Variants in ARL13B observed in about 807,000 individuals in gnomAD.
The protein encoded by ARL13B is ADP-ribosylation factor-like protein 13B.
A neutral mutation model predicts 56.1 loss-of-function variants in ARL13B; 36 were observed. The observed-to-expected ratio is 0.64, with a 90% confidence interval of 0.49 to 0.85. The LOEUF (loss-of-function observed/expected upper bound fraction) is 0.85, where lower values mean the gene tolerates loss of function less well. Among genes scored for constraint, ARL13B ranks in the 40% least tolerant of loss-of-function variants. The pLI, the probability that ARL13B is intolerant of heterozygous loss-of-function variation, is 0.00. For synonymous variants in ARL13B, 178 were observed against 171.1 expected, an observed-to-expected ratio of 1.04 and a Z score of -0.32; for missense variants, 519 against 507.1, an observed-to-expected ratio of 1.02 and a Z score of -0.23.
intron 3 of ARL13B, among the ~76,000 whole-genome samples, chr3:94,016,307 T>G (rs2076332546): frequency 6.6e-6 from 1 of 151,936 alleles, no homozygotes. Flanking sequence ...AAAAAAAAGG[T>G]CTCTGAATGT....
chr3:93,988,653 C>T (rs547390439), intron 1 of ARL13B: 15 of 496,018 alleles, frequency 3.0e-5, no homozygotes, highest in South Asian at 2.3e-4. Context: ...TGGCTTCTTT[C>T]TCTCCTGCTT....
In ARL13B at chr3:94,016,132, G is replaced by A. The variant is rs370787296; in HGVS notation, c.380+12224G>A. 5.0e-4 allele frequency among the ~76,000 whole-genome samples: 76 copies of A among 151,890 alleles called. No homozygotes were observed. In the South Asian group the frequency reaches 0.015, roughly 31 times the overall value. On this transcript the variant is annotated intron_variant, in intron 3 of 9. Coordinates refer to ENST00000394222, the MANE Select transcript of ARL13B (RefSeq NM_001174150.2). ...TTAATGATATAGATATATATGAAAT[G>A]ACATACATACATATAAAATGAAGGG... is the stretch of plus-strand genomic sequence containing the variant.
At chr3:94,040,009 A>G (rs756598093) in intron 6 of ARL13B, 21 bp downstream of exon 6, 1 of 1,602,280 alleles carries the variant, frequency 6.2e-7, no homozygotes, top group Non-Finnish European at 8.5e-7. Flanking sequence ...TGGCAAATGT[A>G]ATTTTTGTAT....
chr3:94,019,261 A>G (rs990699197), intron 3 of ARL13B, among the ~76,000 whole-genome samples: 13 of 151,056 alleles, frequency 8.6e-5, no homozygotes, highest in Non-Finnish European at 1.6e-4. Flanking sequence ...CAGTGGCACA[A>G]TCTTGGCTCA....
chr3:94,055,338 G>A lies in ARL13B; in HGVS notation c.*2075G>A. On this transcript the variant is annotated 3_prime_UTR_variant, in exon 10 of 10. Transcript: ENST00000394222. ...ATGATTTCCTTTGGGTAATAAAATAGGTAAAGATTTTAAAATATGATTATT... is the reference window on the plus strand; with the variant it reads ...ATGATTTCCTTTGGGTAATAAAATAAGTAAAGATTTTAAAATATGATTATT... The A allele has an allele frequency of 2.3e-6, 1 of 434,240 alleles. No individual in the cohort carries two copies. Among genetic ancestry groups the A allele is most frequent in the Non-Finnish European group, 4.6e-6 (1 of 216,530 alleles). 26.9% of individuals were successfully genotyped at this position (434,240 alleles called of 1,614,324 possible).
intron 1 of ARL13B, among the ~76,000 whole-genome samples, chr3:93,981,780 A>G (rs1710227996): frequency 6.8e-6 from 1 of 147,362 alleles, no homozygotes; most frequent in African/African-American, 2.5e-5. Flanking sequence ...AGGCTGAATC[A>G]GTAGGATCAC....
At chr3:94,026,088 C>T (rs1284823950) in intron 3 of ARL13B, among the ~76,000 whole-genome samples, 2 of 150,414 alleles carry the variant, frequency 1.3e-5, no homozygotes, top group African/African-American at 2.4e-5. Context: ...GGCACCATCT[C>T]GGCTCACTGC....
chr3:94,034,299 A>C (rs1360300095), intron 3 of ARL13B, among the ~76,000 whole-genome samples: 3 of 152,078 alleles, frequency 2.0e-5, no homozygotes, highest in Non-Finnish European at 4.4e-5. Flanking sequence ...ATAGGTGGGA[A>C]GGGTTCGTTA....
chr3:93,998,237 C>G (rs1046135518), intron 2 of ARL13B, among the ~76,000 whole-genome samples: 1 of 152,162 alleles, frequency 6.6e-6, no homozygotes, highest in African/African-American at 2.4e-5. Flanking sequence ...CCTCTAAAGC[C>G]TGACATTCAT....
At chr3:93,986,895 A>C (rs1409758362) in intron 1 of ARL13B, among the ~76,000 whole-genome samples, 2 of 152,072 alleles carry the variant, frequency 1.3e-5, no homozygotes, top group Non-Finnish European at 1.5e-5. Context: ...GCTTGCACCC[A>C]GGAGGCAGAG....
intron 1 of ARL13B, among the ~76,000 whole-genome samples, chr3:93,987,201 C>A (rs1710514802): frequency 6.6e-6 from 1 of 151,586 alleles, no homozygotes; most frequent in South Asian, 2.1e-4. Context: ...CCATATTGCC[C>A]AGGTTGGTCT....
chr3:93,993,725 C>A (rs907765988), intron 1 of ARL13B, among the ~76,000 whole-genome samples: 2 of 152,124 alleles, frequency 1.3e-5, no homozygotes, highest in African/African-American at 4.8e-5. Flanking sequence ...ATTATGAATT[C>A]TTAAAACAAA....
chr3:94,035,246 A>G, intron 3 of ARL13B, 85 bp from the exon 4 acceptor site: 1 of 1,050,966 alleles, frequency 9.5e-7, no homozygotes, highest in Non-Finnish European at 1.4e-6. Flanking sequence ...CAAAAAAAAA[A>G]AAAAAAAAGA....
At chr3:93,983,011 T>C (rs1190457148) in intron 1 of ARL13B, among the ~76,000 whole-genome samples, 2 of 152,246 alleles carry the variant, frequency 1.3e-5, no homozygotes, top group Non-Finnish European at 2.9e-5. Context: ...GTAGAATTTC[T>C]TATTAAGATT....
Position 94,055,056 on chromosome 3 carries a change from T to TA in ARL13B, c.*1798dup. On this transcript the variant is annotated 3_prime_UTR_variant, in exon 10 of 10. Coordinates refer to ENST00000394222, the MANE Select transcript of ARL13B (RefSeq NM_001174150.2). Reference sequence around the variant, plus strand: ...TAGTGTAGCTACTGGCTTCATTTAATAAAAATAAATGATTTTGAAATTAAA... The same window carrying TA: ...TAGTGTAGCTACTGGCTTCATTTAATAAAAAATAAATGATTTTGAAATTAAA... 1 of 357,492 alleles carries TA rather than the reference T, an allele frequency of 2.8e-6. No homozygotes were observed. The highest frequency in any genetic ancestry group is 5.4e-6 in the Non-Finnish European group (1 of 186,182). The allele number at this position is 357,492 out of a possible 1,614,324, so 22.1% of individuals were successfully genotyped here.
intron 3 of ARL13B, among the ~76,000 whole-genome samples, chr3:94,034,058 A>G (rs1214480908): frequency 6.6e-6 from 1 of 152,182 alleles, no homozygotes; most frequent in Non-Finnish European, 1.5e-5. Context: ...TAACACTTGT[A>G]AAATGATATT....
At chr3:93,990,477 G>A (rs1327546340) in intron 1 of ARL13B, among the ~76,000 whole-genome samples, 1 of 152,074 alleles carries the variant, frequency 6.6e-6, no homozygotes, top group Non-Finnish European at 1.5e-5. Flanking sequence ...TAGCCTGAAG[G>A]TAATTTTATA....
intron 3 of ARL13B, chr3:94,014,464 C>A (rs780149637): frequency 4.4e-6 from 7 of 1,604,344 alleles, no homozygotes; most frequent in East Asian, 2.2e-5. Flanking sequence ...TACAGCTAGT[C>A]CAAATTTCTC....
chr3:93,988,789 T>A (rs1452128130), intron 1 of ARL13B: 4 of 330,902 alleles, frequency 1.2e-5, no homozygotes, highest in African/African-American at 2.2e-5. Context: ...TGTTTGCATT[T>A]TTTTTTTTTT....
Sources: allele counts gnomAD v4.1 joint callset (sites outside exome capture counted in the v4.1 genomes callset), GRCh38; gene constraint gnomAD v4.1.1; transcripts MANE v1.5; gene names NCBI Gene and HGNC (gene_info 2026-07-23, HGNC 2026-07-21).